The following CHD6 variants were observed in gnomAD, a reference collection of about 807,000 sequenced individuals.
The protein encoded by CHD6 is ATP-dependent chromatin remodeler CHD6.
In CHD6, 50 loss-of-function variants were observed where a neutral mutation model predicts 276.9. The observed-to-expected ratio is 0.18, with a 90% CI of 0.14 to 0.23. The LOEUF is 0.23. CHD6 is among the 10% of genes least tolerant of loss of function. The pLI is 1.00. For synonymous variants in CHD6, 1,173 were observed against 1,229.3 expected, an observed-to-expected ratio of 0.95 and a Z score of 0.96; for missense variants, 2,564 against 3,365.8, an observed-to-expected ratio of 0.76 and a Z score of 5.89.
chr20:41,491,169 C>T (rs1401408293), intron 11 of CHD6, among the ~76,000 whole-genome samples: 1 of 151,802 alleles, frequency 6.6e-6, no homozygotes, highest in Non-Finnish European at 1.5e-5. Flanking sequence ...AATAAATTAA[C>T]CCTAGCTTAC....
chr20:41,510,448 G>C lies in CHD6; in HGVS notation c.852+2398C>G, dbSNP rs181713260. On this transcript the variant is annotated intron_variant, in intron 5 of 36. Transcript: ENST00000373233. Reference sequence around the variant, plus strand: ...TGCATGCTAGGCCAGGCCTTGGCTCGGAGGCCAGCCCCACATGGTCGCTTC... The same window carrying C: ...TGCATGCTAGGCCAGGCCTTGGCTCCGAGGCCAGCCCCACATGGTCGCTTC... Among the ~76,000 whole-genome samples the C allele has an allele frequency of 8.3e-4, 126 of 152,302 alleles. 1 individual carries two copies. Among genetic ancestry groups the C allele is most frequent in the African/African-American group, 2.9e-3 (121 of 41,552 alleles).
chr20:41,548,239 T>C (rs1203418580), intron 2 of CHD6, among the ~76,000 whole-genome samples: 1 of 152,222 alleles, frequency 6.6e-6, no homozygotes, highest in Non-Finnish European at 1.5e-5. Context: ...TGCTCACTTC[T>C]GTAACCTGCT....
chr20:41,596,926 A>G (rs2045723705), intron 1 of CHD6, among the ~76,000 whole-genome samples: 1 of 152,208 alleles, frequency 6.6e-6, no homozygotes, highest in African/African-American at 2.4e-5. Context: ...AAGAAGGGAT[A>G]AAGAAAAGCA....
At chr20:41,474,188 G>A (rs2043120990) in intron 16 of CHD6, among the ~76,000 whole-genome samples, 1 of 152,166 alleles carries the variant, frequency 6.6e-6, no homozygotes, top group Admixed American at 6.5e-5. Context: ...TGAATAGTTA[G>A]AGGAAAATAA....
intron 1 of CHD6, among the ~76,000 whole-genome samples, chr20:41,571,870 G>A (rs761652837): frequency 6.6e-6 from 1 of 152,170 alleles, no homozygotes; most frequent in African/African-American, 2.4e-5. Flanking sequence ...ACACAGCTGT[G>A]TAACCAGCAT....
At chr20:41,451,267 C>G (rs1173147549) in intron 22 of CHD6, among the ~76,000 whole-genome samples, 162 bp from the exon 23 acceptor site, 2 of 152,190 alleles carry the variant, frequency 1.3e-5, no homozygotes, top group Admixed American at 1.3e-4. Flanking sequence ...GGAAGGAAGG[C>G]CATGCACTTG....
In CHD6 at chr20:41,571,688, G is replaced by T. The variant is rs186798879; in HGVS notation, c.-23-20328C>A. On this transcript the variant is annotated intron_variant, in intron 1 of 36. Coordinates refer to ENST00000373233, the MANE Select transcript of CHD6 (RefSeq NM_032221.5). ...ACATTAAGTTAGACAACCTTCATAT[G>T]GTTTTTAAACATTAAAAAAAAAAGG... Among the ~76,000 whole-genome samples the T allele has an allele frequency of 2.0e-5, 3 of 150,656 alleles. No individual in the cohort carries two copies. The East Asian group carries it at 5.8e-4, about 29-fold the overall frequency.
intron 1 of CHD6, among the ~76,000 whole-genome samples, chr20:41,591,363 TAC>T (rs1229670606): frequency 7.1e-6 from 1 of 140,154 alleles, no homozygotes; most frequent in Non-Finnish European, 1.5e-5. Context: ...AGTATAATTT[TAC>T]ATATATATAT....
intron 8 of CHD6, among the ~76,000 whole-genome samples, chr20:41,494,774 A>C (rs1403696169): frequency 1.3e-5 from 2 of 152,152 alleles, no homozygotes; most frequent in Non-Finnish European, 2.9e-5. Context: ...AATGCAGGAT[A>C]CTTTTTACAA....
chr20:41,422,428 C>T (rs906822306), intron 30 of CHD6, among the ~76,000 whole-genome samples: 1 of 152,016 alleles, frequency 6.6e-6, no homozygotes, highest in Non-Finnish European at 1.5e-5. Flanking sequence ...CACTTGAGGC[C>T]AGGAGTTCAA....
chr20:41,577,424 C>T (rs779133565), intron 1 of CHD6, among the ~76,000 whole-genome samples: 2 of 152,140 alleles, frequency 1.3e-5, no homozygotes, highest in Admixed American at 6.5e-5. Context: ...CTGTCTGCTA[C>T]GTTTCTCTTG....
intron 1 of CHD6, among the ~76,000 whole-genome samples, chr20:41,603,328 T>C (rs912154121): frequency 9.9e-5 from 15 of 150,872 alleles, no homozygotes; most frequent in Non-Finnish European, 1.9e-4. Context: ...GGCAACAGAG[T>C]GAGACTCCAT....
rs1425008917 is a variant in CHD6 at position 41,450,969 on chromosome 20, T to A, written c.3660A>T (p.Lys1220Asn). ...EVVLHDDGYKKHLKQHCNKVL... is the reference protein window; with the variant it reads ...EVVLHDDGYKNHLKQHCNKVL... ...ACTTGTTGCAGTGCTGTTTGAGGTG[T>A]TTCTTATAGCCATCATCATGCAAGA... is the stretch of plus-strand genomic sequence containing the variant. The change falls in exon 23 of 37, where the codon AAA becomes AAT. Residue 1220 changes from lysine to asparagine, a missense_variant. By Grantham distance (94) the Lys-to-Asn change is moderately conservative. Transcript: ENST00000373233. The A allele has an allele frequency of 6.8e-6, 11 of 1,613,182 alleles. No individual in the cohort carries two copies. The South Asian group carries it at 1.2e-4, about 18-fold the overall frequency.
chr20:41,445,487 C>T (rs2048037115), intron 25 of CHD6, among the ~76,000 whole-genome samples, 178 bp downstream of exon 25: 1 of 152,188 alleles, frequency 6.6e-6, no homozygotes, highest in Admixed American at 6.5e-5. Context: ...TATTGTGAGC[C>T]ATACATTCAT....
chr20:41,421,436 A>G lies in CHD6; in HGVS notation c.5199T>C (p.Asp1733=), dbSNP rs144583052. 2.5e-6 allele frequency: 4 copies of G among 1,614,142 alleles called. No homozygotes were observed. Among genetic ancestry groups the G allele is most frequent in the Non-Finnish European group, 3.4e-6 (4 of 1,180,008 alleles). Residue 1733 remains aspartate, a synonymous_variant, in exon 31 of 37, where the codon GAT becomes GAC. Coordinates refer to ENST00000373233, the MANE Select transcript of CHD6 (RefSeq NM_032221.5). The stretch of plus-strand genomic sequence containing the variant: ...CTTTGCTTATTGAGATGGTAATAAC[A>G]TCTTTTCTAGATTCAGTATTGGTAC... ...SPSTNTESRK[D]VITISISKDG...
intron 3 of CHD6, among the ~76,000 whole-genome samples, chr20:41,516,227 G>T (rs2044247928): frequency 6.6e-6 from 1 of 151,838 alleles, no homozygotes; most frequent in Non-Finnish European, 1.5e-5. Flanking sequence ...GCAGTGGCGT[G>T]ATCTTGGCTC....
intron 3 of CHD6, among the ~76,000 whole-genome samples, chr20:41,523,064 T>G (rs961682696): frequency 6.6e-6 from 1 of 152,184 alleles, no homozygotes; most frequent in Non-Finnish European, 1.5e-5. Context: ...TTGAGAGGAA[T>G]GCATTTGCAA....
intron 31 of CHD6, among the ~76,000 whole-genome samples, chr20:41,419,931 T>C (rs926934628): frequency 2.0e-5 from 3 of 152,216 alleles, no homozygotes; most frequent in African/African-American, 7.2e-5. Context: ...GATTTCCCTA[T>C]AGGATCAGAT....
chr20:41,488,278 CCTATA>C, intron 13 of CHD6, 145 bp downstream of exon 13: 1 of 693,340 alleles, frequency 1.4e-6, no homozygotes, highest in Non-Finnish European at 2.4e-6. Context: ...AATCTTAATT[CCTATA>C]CTATTGCAGT....
Sources: gnomAD v4.1 joint callset for allele counts (sites outside exome capture counted in the v4.1 genomes callset) on GRCh38, gnomAD v4.1.1 for gene constraint, MANE v1.5 for transcripts, NCBI Gene and HGNC (gene_info 2026-07-23, HGNC 2026-07-21) for gene names.